PHKA1: variants seen among roughly 807,000 people sequenced by gnomAD.
PHKA1 encodes phosphorylase kinase regulatory subunit alpha 1.
Under a neutral mutation model 110.2 loss-of-function variants are expected in PHKA1, and 60 were observed. That is an observed-to-expected ratio of 0.54 (90% CI 0.44 to 0.68). The LOEUF (loss-of-function observed/expected upper bound fraction) is 0.68. Among genes scored for constraint, PHKA1 ranks in the 30% least tolerant of loss-of-function variants. PHKA1 has a pLI of 0.00. For missense variants in PHKA1, 801 were observed against 942.5 expected, an observed-to-expected ratio of 0.85 and a Z score of 1.97; for synonymous variants, 316 against 333.6, an observed-to-expected ratio of 0.95 and a Z score of 0.58.
At chrX:72,643,370 G>A (rs2053321784) in intron 14 of PHKA1, among the ~76,000 whole-genome samples, 1 of 111,658 alleles carries the variant, frequency 9.0e-6, no homozygotes, top group South Asian at 3.8e-4. Flanking sequence ...GTTTAAGATT[G>A]TATTACTTTT....
chrX:72,647,605 G>A (rs781808948), intron 13 of PHKA1, among the ~76,000 whole-genome samples: 2 of 111,412 alleles, frequency 1.8e-5, no homozygotes, highest in African/African-American at 3.3e-5. Flanking sequence ...ATGGGCAAAT[G>A]AAGAAAAGCT....
At chrX:72,642,333 G>T (rs1012461845) in intron 14 of PHKA1, among the ~76,000 whole-genome samples, 6 of 111,462 alleles carry the variant, frequency 5.4e-5, no homozygotes, top group African/African-American at 2.0e-4. Context: ...ATGCAATGAG[G>T]CAATGGGTAA....
At chrX:72,693,011 A>G (rs1449775346) in intron 4 of PHKA1, among the ~76,000 whole-genome samples, 5 of 105,937 alleles carry the variant, frequency 4.7e-5, no homozygotes, top group Non-Finnish European at 9.7e-5. Context: ...TCTGCTTCCT[A>G]TAAGTTTTGG....
chrX:72,626,128 T>TGTGTA (rs1569433994), intron 17 of PHKA1, among the ~76,000 whole-genome samples: 1 of 108,314 alleles, frequency 9.2e-6, no homozygotes, highest in Non-Finnish European at 1.9e-5. Context: ...TACGTGTGTG[T>TGTGTA]GTGTATATGC....
intron 28 of PHKA1, among the ~76,000 whole-genome samples, chrX:72,600,769 T>C (rs1355178559): frequency 1.8e-5 from 2 of 111,148 alleles, no homozygotes; most frequent in African/African-American, 6.5e-5. Flanking sequence ...GGTAGGAGGA[T>C]TGCGTGAATC....
intron 11 of PHKA1, among the ~76,000 whole-genome samples, chrX:72,652,866 T>C (rs1334737927): frequency 1.8e-5 from 2 of 111,360 alleles, no homozygotes; most frequent in African/African-American, 6.5e-5. Flanking sequence ...CAGATTCTGA[T>C]TGAGTGGGTA....
chrX:72,622,252 T>C (rs1289249033), intron 18 of PHKA1: 13 of 752,483 alleles, frequency 1.7e-5, no homozygotes, highest in African/African-American at 2.3e-5. Context: ...TGTCCTATTG[T>C]ATGAGATTGT....
At chrX:72,701,906 A>G (rs1354318351) in intron 3 of PHKA1, among the ~76,000 whole-genome samples, 1 of 112,250 alleles carries the variant, frequency 8.9e-6, no homozygotes, top group African/African-American at 3.2e-5. Flanking sequence ...AGAAAAAATT[A>G]TATTTCAAAA....
Position 72,601,920 on chromosome X carries a change from C to T in PHKA1, c.3072+71G>A, listed in dbSNP as rs186704637. ...CTTGTTATCTTATTTGTAAAAAGGC[C>T]ATGAGCTCATGCATGTTATACAGAA... On this transcript the variant is annotated intron_variant, in intron 28 of 31. Transcript: ENST00000373542. 2.4e-4 allele frequency: 181 copies of T among 754,223 alleles called. No individual in the cohort carries two copies. The East Asian group carries it at 5.3e-3, about 22-fold the overall frequency. 62.2% of individuals were successfully genotyped at this position (754,223 alleles called of 1,213,427 possible).
At chrX:72,617,048 T>A (rs1646541100) in intron 21 of PHKA1, among the ~76,000 whole-genome samples, 1 of 111,315 alleles carries the variant, frequency 9.0e-6, no homozygotes, top group Non-Finnish European at 1.9e-5. Context: ...TATCAAAAAG[T>A]ATAAAGGTCT....
chrX:72,585,345 C>T (rs782468648), intron 29 of PHKA1, among the ~76,000 whole-genome samples: 1 of 111,746 alleles, frequency 8.9e-6, no homozygotes, highest in South Asian at 3.8e-4. Flanking sequence ...AATTTTTCAT[C>T]TGTGGATGTA....
chrX:72,610,163 CA>C (rs1277398617), intron 22 of PHKA1, among the ~76,000 whole-genome samples: 1 of 110,980 alleles, frequency 9.0e-6, no homozygotes, highest in Non-Finnish European at 1.9e-5. Context: ...AGATTTACAA[CA>C]AATTATTGTA....
At chrX:72,650,773 G>A (rs2053420258) in intron 12 of PHKA1, among the ~76,000 whole-genome samples, 1 of 112,000 alleles carries the variant, frequency 8.9e-6, no homozygotes, top group Non-Finnish European at 1.9e-5. Flanking sequence ...CCAGGCTGGA[G>A]TGCAGTGGTG....
chrX:72,713,732 C>G lies in PHKA1; in HGVS notation c.78+71G>C. 5.9e-6 allele frequency: 5 copies of G among 841,276 alleles called. No individual in the cohort carries two copies. The South Asian group carries it at 1.0e-4, about 17-fold the overall frequency. The allele number at this position is 841,276 out of a possible 1,213,427, so 69.3% of individuals were successfully genotyped here. On this transcript the variant is annotated intron_variant, in intron 1 of 31. Transcript: ENST00000373542. Reference sequence around the variant, plus strand: ...CACGCACGCACGCACGGAGTTCATCCAAGGTCTCCGTCCAAGCTATGACAA... The same window carrying G: ...CACGCACGCACGCACGGAGTTCATCGAAGGTCTCCGTCCAAGCTATGACAA...
chrX:72,707,659 G>GTA lies in PHKA1; in HGVS notation c.238-2415_238-2414insTA, dbSNP rs782298298. 6.6e-4 allele frequency among the ~76,000 whole-genome samples: 72 copies of GTA among 109,694 alleles called. 1 individual carries two copies. Among genetic ancestry groups the GTA allele is most frequent in the African/African-American group, 2.2e-3 (66 of 30,019 alleles). ...TGTGTGTGTGTGTGTGTGTGTGTGT[G>GTA]TGTGTGTGGAGGGGTGGGTACGCAA... On this transcript the variant is annotated intron_variant, in intron 2 of 31. Transcript: ENST00000373542.
chrX:72,684,443 A>G, intron 5 of PHKA1, 55 bp downstream of exon 5: 2 of 777,941 alleles, frequency 2.6e-6, no homozygotes, highest in Non-Finnish European at 4.0e-6. Flanking sequence ...GTTGCCCAGT[A>G]TTTAGAAAAC....
chrX:72,616,467 G>A (rs782415422), intron 21 of PHKA1, among the ~76,000 whole-genome samples: 2 of 112,251 alleles, frequency 1.8e-5, no homozygotes, highest in East Asian at 5.6e-4. Context: ...TATTGTAAAT[G>A]TATATGCACC....
intron 12 of PHKA1, 135 bp from the exon 13 acceptor site, chrX:72,650,603 C>A: frequency 3.9e-6 from 2 of 519,283 alleles, no homozygotes; most frequent in Middle Eastern, 8.9e-4. Flanking sequence ...AAACAAATGC[C>A]TTCACTGTAT....
intron 18 of PHKA1, 128 bp from the exon 19 acceptor site, chrX:72,621,029 T>C (rs2052972065): frequency 1.3e-5 from 9 of 709,111 alleles, no homozygotes; most frequent in Admixed American, 8.9e-5. Context: ...TAGGTTGTTT[T>C]TAGCTCATGG....
Sources: gnomAD v4.1 joint callset for allele counts (sites outside exome capture counted in the v4.1 genomes callset) on GRCh38, gnomAD v4.1.1 for gene constraint, MANE v1.5 for transcripts, NCBI Gene and HGNC (gene_info 2026-07-23, HGNC 2026-07-21) for gene names.